PACSIN2: variants seen among roughly 807,000 people sequenced by gnomAD.
The protein encoded by PACSIN2 is protein kinase C and casein kinase substrate in neurons protein 2.
Under a neutral mutation model 63.8 loss-of-function variants are expected in PACSIN2, and 25 were observed. The ratio of observed to expected loss-of-function variants is 0.39; its 90% CI spans 0.29 to 0.55. The LOEUF is 0.55. Among genes scored for constraint, PACSIN2 ranks in the 20% least tolerant of loss-of-function variants. The pLI is 0.62. For missense variants in PACSIN2, 518 were observed against 646.9 expected (o/e 0.80, Z 2.16); for synonymous variants, 255 against 256.2 (o/e 1.00, Z 0.05).
At chr22:42,913,257 A>G (rs951418081) in intron 1 of PACSIN2, among the ~76,000 whole-genome samples, 3 of 152,204 alleles carry the variant, frequency 2.0e-5, no homozygotes, top group African/African-American at 7.2e-5. Flanking sequence ...AGGCGGGCGG[A>G]TCACCTGAGG....
intron 1 of PACSIN2, among the ~76,000 whole-genome samples, chr22:42,944,604 G>A (rs1933325339): frequency 1.3e-5 from 2 of 152,160 alleles, no homozygotes; most frequent in Admixed American, 1.3e-4. Flanking sequence ...TGGACAAAAT[G>A]TTCATCACTG....
intron 1 of PACSIN2, among the ~76,000 whole-genome samples, chr22:42,931,550 C>T (rs953848613): frequency 7.9e-5 from 12 of 152,164 alleles, no homozygotes; most frequent in Admixed American, 5.2e-4. Context: ...AGCCAGGGTT[C>T]AGAGGGCTCC....
intron 2 of PACSIN2, among the ~76,000 whole-genome samples, chr22:42,907,244 ATGCTTCTATTT>A (rs547669038): frequency 2.6e-5 from 4 of 152,324 alleles, no homozygotes; most frequent in African/African-American, 9.6e-5. Flanking sequence ...GCTAAAGAGT[ATGCTTCTATTT>A]TGAAGGTGAT....
At chr22:43,001,707 T>C (rs763016581) in intron 1 of PACSIN2, among the ~76,000 whole-genome samples, 52 of 152,218 alleles carry the variant, frequency 3.4e-4, no homozygotes, top group Non-Finnish European at 8.8e-5. Flanking sequence ...TTTTCTTAGC[T>C]GGGATAAGAG....
intron 1 of PACSIN2, among the ~76,000 whole-genome samples, chr22:42,916,337 C>T (rs1006306197): frequency 8.7e-5 from 12 of 138,196 alleles, no homozygotes; most frequent in African/African-American, 3.3e-4. Context: ...GAAAACCCAA[C>T]TGATTGTACA....
intron 1 of PACSIN2, among the ~76,000 whole-genome samples, chr22:42,983,038 C>A (rs183064654): frequency 3.3e-5 from 5 of 151,444 alleles, no homozygotes; most frequent in African/African-American, 1.2e-4. Flanking sequence ...AAAATTAGGC[C>A]GGGCACAGTG....
chr22:42,991,284 G>A (rs1412953567), intron 1 of PACSIN2, among the ~76,000 whole-genome samples: 1 of 152,122 alleles, frequency 6.6e-6, no homozygotes, highest in East Asian at 1.9e-4. Context: ...GCTGGTCAAG[G>A]ACAAGCAGTG....
intron 1 of PACSIN2, among the ~76,000 whole-genome samples, chr22:42,974,950 T>G (rs1921588798): frequency 6.6e-6 from 1 of 152,040 alleles, no homozygotes; most frequent in African/African-American, 2.4e-5. Flanking sequence ...AGCAAGGATA[T>G]CTCCTCTGCA....
intron 1 of PACSIN2, among the ~76,000 whole-genome samples, chr22:42,983,164 A>G (rs1922342905): frequency 6.6e-6 from 1 of 151,994 alleles, no homozygotes; most frequent in African/African-American, 2.4e-5. Context: ...TGAAAATACA[A>G]AAATTAGCCG....
chr22:42,877,086 G>A, intron 8 of PACSIN2, 76 bp from the exon 9 acceptor site: 2 of 1,525,846 alleles, frequency 1.3e-6, no homozygotes, highest in Non-Finnish European at 1.8e-6. Flanking sequence ...CCTAGCTGCA[G>A]GATCTCAAGA....
rs552568707 is a variant in PACSIN2, at chr22:42,947,802, C to T, written c.-77-35645G>A. 4.5e-4 allele frequency among the ~76,000 whole-genome samples: 68 copies of T among 152,278 alleles called. No individual in the cohort carries two copies. The South Asian group carries it at 0.013, about 30-fold the overall frequency. On this transcript the variant is annotated intron_variant, in intron 1 of 10. Coordinates refer to ENST00000263246, the MANE Select transcript of PACSIN2 (RefSeq NM_001184970.3). ...CAGGTTGCACGGATCAAATGGCATC[C>T]GGCTGGGACCTGGCACAGTGCCTGG...
intron 1 of PACSIN2, among the ~76,000 whole-genome samples, chr22:42,977,702 G>A (rs146788889): frequency 2.7e-4 from 41 of 152,198 alleles, no homozygotes; most frequent in Admixed American, 9.8e-4. Context: ...TCATGGAGGC[G>A]AATTTCCCCC....
At chr22:42,943,594 T>C (rs1316244815) in intron 1 of PACSIN2, among the ~76,000 whole-genome samples, 1 of 152,152 alleles carries the variant, frequency 6.6e-6, no homozygotes, top group Non-Finnish European at 1.5e-5. Flanking sequence ...TGAAGAGGTG[T>C]TGCTTGGGGT....
At chr22:42,938,667 C>G (rs1235971569) in intron 1 of PACSIN2, among the ~76,000 whole-genome samples, 1 of 152,230 alleles carries the variant, frequency 6.6e-6, no homozygotes, top group African/African-American at 2.4e-5. Flanking sequence ...CAGCCTGGCA[C>G]AGTGGCATTC....
intron 1 of PACSIN2, among the ~76,000 whole-genome samples, chr22:42,919,794 A>AAAAG (rs1555917999): frequency 5.3e-4 from 56 of 105,276 alleles, no homozygotes; most frequent in African/African-American, 2.3e-3. Flanking sequence ...AAAAAAAAAA[A>AAAAG]AAAGAAAGAA....
Position 42,969,583 on chromosome 22 carries a change from GGATT to G in PACSIN2, c.-78+45434_-78+45437del, listed in dbSNP as rs554417237. Among the ~76,000 whole-genome samples the G allele has an allele frequency of 4.6e-5, 7 of 152,168 alleles. No individual in the cohort carries two copies. In the South Asian group the frequency reaches 1.0e-3, roughly 23 times the overall value. On this transcript the variant is annotated intron_variant, in intron 1 of 10. Transcript: ENST00000263246. ...ACACCGGCATTATCCAAGCAATATG[GGATT>G]GATTATCGCTGTAGATTGGAAATAG...
In PACSIN2 at chr22:42,958,606, C is replaced by A. The variant is rs989558427; in HGVS notation, c.-77-46449G>T. Among the ~76,000 whole-genome samples, 4 of 152,218 alleles carry A rather than the reference C, an allele frequency of 2.6e-5. No homozygotes were observed. The East Asian group carries it at 7.7e-4, about 29-fold the overall frequency. On this transcript the variant is annotated intron_variant, in intron 1 of 10. Transcript: ENST00000263246. Reference sequence around the variant, plus strand: ...AAAGAGATATTCAGAGCTACAAGAGCAAAGACAAAACTGATGGGCCCGATT... The same window carrying A: ...AAAGAGATATTCAGAGCTACAAGAGAAAAGACAAAACTGATGGGCCCGATT...
rs775424706 is a variant in PACSIN2, at chr22:42,912,083, T to C, written c.-3A>G. 1.9e-6 allele frequency: 3 copies of C among 1,596,434 alleles called. No homozygotes were observed. Among genetic ancestry groups the C allele is most frequent in the Admixed American group, 1.8e-5 (1 of 56,368 alleles). On this transcript the variant is annotated 5_prime_UTR_variant, in exon 2 of 11. Coordinates refer to ENST00000263246, the MANE Select transcript of PACSIN2 (RefSeq NM_001184970.3). Reference sequence around the variant, plus strand: ...GAATCATCATATGTGACAGACATTTTTTCAAAGGCTGAGGGAGCAGCAAAG... The same window carrying C: ...GAATCATCATATGTGACAGACATTTCTTCAAAGGCTGAGGGAGCAGCAAAG...
At chr22:42,968,789 G>T (rs4822238) in intron 1 of PACSIN2, among the ~76,000 whole-genome samples, 2 of 152,036 alleles carry the variant, frequency 1.3e-5, no homozygotes, top group Non-Finnish European at 2.9e-5. Flanking sequence ...CTCCTGCCTT[G>T]GGCCACGGAA....
Sources: gnomAD v4.1 joint callset for allele counts (sites outside exome capture counted in the v4.1 genomes callset) on GRCh38, gnomAD v4.1.1 for gene constraint, MANE v1.5 for transcripts, NCBI Gene and HGNC (gene_info 2026-07-23, HGNC 2026-07-21) for gene names.